Variants in SPIRE1 observed in about 807,000 individuals in gnomAD.
SPIRE1 encodes the protein spire type actin nucleation factor 1.
A neutral mutation model predicts 94.1 loss-of-function variants in SPIRE1; 40 were observed. That is an observed-to-expected ratio of 0.43 (90% CI 0.33 to 0.55). The LOEUF (loss-of-function observed/expected upper bound fraction) is 0.55. Among genes scored for constraint, SPIRE1 ranks in the 20% least tolerant of loss-of-function variants. SPIRE1 has a pLI of 0.06. For synonymous variants in SPIRE1, 376 were observed against 371.7 expected (o/e 1.01, Z -0.13); for missense variants, 838 against 975.2 (o/e 0.86, Z 1.87).
intron 1 of SPIRE1, among the ~76,000 whole-genome samples, chr18:12,652,627 T>C (rs997405967): frequency 6.6e-6 from 1 of 152,010 alleles, no homozygotes; most frequent in Non-Finnish European, 1.5e-5. Context: ...ACTACTTTTA[T>C]GGCCATGCTA....
At chr18:12,483,034 G>A (rs992870264) in intron 9 of SPIRE1, among the ~76,000 whole-genome samples, 33 of 150,054 alleles carry the variant, frequency 2.2e-4, no homozygotes, top group African/African-American at 6.4e-4. Flanking sequence ...TTGACCTCTC[G>A]GGCTCAGGCG....
At chr18:12,470,397 C>T (rs963462402) in intron 10 of SPIRE1, among the ~76,000 whole-genome samples, 8 of 152,140 alleles carry the variant, frequency 5.3e-5, no homozygotes, top group African/African-American at 1.9e-4. Context: ...TTAAATTTTA[C>T]GTTGCTCCCC....
At chr18:12,638,274 G>T (rs999078624) in intron 1 of SPIRE1, among the ~76,000 whole-genome samples, 2 of 152,044 alleles carry the variant, frequency 1.3e-5, no homozygotes, top group African/African-American at 4.8e-5. Flanking sequence ...GCGAGACCCA[G>T]TTTCTATCAA....
intron 2 of SPIRE1, among the ~76,000 whole-genome samples, chr18:12,551,867 G>A (rs1156497043): frequency 1.3e-5 from 2 of 152,096 alleles, no homozygotes; most frequent in Non-Finnish European, 1.5e-5. Flanking sequence ...TCAGACCACC[G>A]AAAGAGGCAC....
chr18:12,486,074 G>T, intron 8 of SPIRE1, 74 bp from the exon 9 acceptor site: 1 of 1,189,240 alleles, frequency 8.4e-7, no homozygotes, highest in Non-Finnish European at 1.2e-6. Flanking sequence ...ACAAAAAAGG[G>T]AACGGATTAA....
chr18:12,485,111 T>TG (rs1182359236), intron 9 of SPIRE1, among the ~76,000 whole-genome samples: 1 of 150,134 alleles, frequency 6.7e-6, no homozygotes, highest in African/African-American at 2.4e-5. Context: ...ATACTCTTTT[T>TG]TTTTTTTTTT....
chr18:12,588,276 T>C (rs1341496916), intron 2 of SPIRE1: 1 of 152,562 alleles, frequency 6.6e-6, no homozygotes, highest in Non-Finnish European at 1.5e-5. Flanking sequence ...TAAAAGTAGA[T>C]TAGGTTAAAA....
intron 2 of SPIRE1, among the ~76,000 whole-genome samples, chr18:12,556,226 T>C (rs1459008737): frequency 1.3e-5 from 2 of 152,070 alleles, no homozygotes; most frequent in African/African-American, 2.4e-5. Flanking sequence ...AAAATGTCCA[T>C]ATTACCCAAA....
chr18:12,452,093 C>T lies in SPIRE1; in HGVS notation c.2012+162G>A, dbSNP rs564651022. On this transcript the variant is annotated intron_variant, in intron 16 of 16. Transcript: ENST00000409402. ...TAGCCATTATTCCTTGAAAAGTTAC[C>T]TTTGGGGAAGTTTTGGAGATTTGTG... 5.3e-5 allele frequency among the ~76,000 whole-genome samples: 8 copies of T among 152,234 alleles called. No homozygotes were observed. In the South Asian group the frequency reaches 1.7e-3, roughly 32 times the overall value.
intron 16 of SPIRE1, chr18:12,450,988 G>GGAAGAT: frequency 1.7e-6 from 1 of 591,384 alleles, no homozygotes; most frequent in Admixed American, 2.2e-5. Flanking sequence ...AGGTGGAAGA[G>GGAAGAT]GAAGATGAAG....
At chr18:12,512,844 C>T (rs187195910) in intron 4 of SPIRE1, among the ~76,000 whole-genome samples, 2 of 151,310 alleles carry the variant, frequency 1.3e-5, no homozygotes, top group East Asian at 3.9e-4. Context: ...ACTCTAAACA[C>T]CATCATATTT....
intron 2 of SPIRE1, among the ~76,000 whole-genome samples, chr18:12,575,058 G>C (rs570007711): frequency 1.3e-4 from 20 of 152,228 alleles, no homozygotes; most frequent in African/African-American, 4.8e-4. Context: ...GGAAATACAT[G>C]TTAGTAGCTG....
intron 8 of SPIRE1, among the ~76,000 whole-genome samples, chr18:12,489,384 C>A (rs770981999): frequency 4.3e-4 from 66 of 152,164 alleles, no homozygotes; most frequent in Non-Finnish European, 6.5e-4. Flanking sequence ...TCTCTAATAT[C>A]TTTTTATTCT....
intron 4 of SPIRE1, among the ~76,000 whole-genome samples, chr18:12,513,298 A>T (rs1367844606): frequency 1.3e-5 from 2 of 152,162 alleles, no homozygotes; most frequent in Admixed American, 6.6e-5. Flanking sequence ...TTAATTCTAA[A>T]TTTATGATAC....
In SPIRE1 at chr18:12,626,132, TA is replaced by T. The variant is rs559024960; in HGVS notation, c.372+8929del. On this transcript the variant is annotated intron_variant, in intron 2 of 16. Transcript: ENST00000409402. ...ATTATGGGTAGTGAGCTGATTTAGC[TA>T]AAGACAAAAAAAGACATTTTAAAAT... is the stretch of plus-strand genomic sequence containing the variant. 1.5e-4 allele frequency among the ~76,000 whole-genome samples: 22 copies of T among 151,094 alleles called. No homozygotes were observed. In the East Asian group the frequency reaches 3.5e-3, roughly 24 times the overall value.
Position 12,447,636 on chromosome 18 carries a change from G to A in SPIRE1, c.*2002C>T, listed in dbSNP as rs144753412. 2.6e-5 allele frequency: 4 copies of A among 152,220 alleles called. No individual in the cohort carries two copies. Among genetic ancestry groups the A allele is most frequent in the African/African-American group, 9.6e-5 (4 of 41,544 alleles). 9.4% of individuals were successfully genotyped at this position (152,220 alleles called of 1,614,324 possible). On this transcript the variant is annotated 3_prime_UTR_variant, in exon 17 of 17. Coordinates refer to ENST00000409402, the MANE Select transcript of SPIRE1 (RefSeq NM_001128626.2). ...TTGAAGAATGTATGTTCTGTGCTGTGGTAAGAGGTGATCGTAATGCCCAAA... is the reference window on the plus strand; with the variant it reads ...TTGAAGAATGTATGTTCTGTGCTGTAGTAAGAGGTGATCGTAATGCCCAAA...
intron 4 of SPIRE1, among the ~76,000 whole-genome samples, chr18:12,519,098 G>T (rs1156548720): frequency 6.6e-6 from 1 of 152,058 alleles, no homozygotes; most frequent in Non-Finnish European, 1.5e-5. Context: ...GTGGATGGTG[G>T]CCAAGTAACA....
chr18:12,502,525 C>G (rs1246562178), intron 6 of SPIRE1, among the ~76,000 whole-genome samples: 2 of 152,100 alleles, frequency 1.3e-5, no homozygotes, highest in Non-Finnish European at 2.9e-5. Context: ...TAGGAACGGT[C>G]TTGCAAAACT....
At chr18:12,527,677 A>C (rs559062607) in intron 4 of SPIRE1, among the ~76,000 whole-genome samples, 2 of 152,322 alleles carry the variant, frequency 1.3e-5, no homozygotes, top group South Asian at 4.1e-4. Context: ...CCAGGTGTGC[A>C]TTAGCTGTGC....
Sources: gnomAD v4.1 joint callset for allele counts (sites outside exome capture counted in the v4.1 genomes callset) on GRCh38, gnomAD v4.1.1 for gene constraint, MANE v1.5 for transcripts, NCBI Gene and HGNC (gene_info 2026-07-23, HGNC 2026-07-21) for gene names.